Variants in ADCY9 observed in about 807,000 individuals in gnomAD.
ADCY9 encodes the protein adenylate cyclase 9.
In ADCY9, 50 loss-of-function variants were observed where a neutral mutation model predicts 101.5. The observed-to-expected ratio is 0.49, with a 90% CI of 0.39 to 0.62. ADCY9 has a LOEUF of 0.62. Ranked by LOEUF, ADCY9 falls within the 20% of genes least tolerant of loss-of-function variation. ADCY9 has a pLI of 0.00. For synonymous variants in ADCY9, 905 were observed against 769.3 expected (o/e 1.18, Z -2.92); for missense variants, 1,662 against 1,800.4 (o/e 0.92, Z 1.39).
chr16:4,046,821 C>T (rs1457707988), intron 2 of ADCY9, among the ~76,000 whole-genome samples: 3 of 151,770 alleles, frequency 2.0e-5, no homozygotes, highest in African/African-American at 4.9e-5. Context: ...AGTGAGACCC[C>T]GTCTCAACAA....
chr16:4,050,512 G>A (rs1174062347), intron 2 of ADCY9, among the ~76,000 whole-genome samples: 1 of 151,976 alleles, frequency 6.6e-6, no homozygotes, highest in East Asian at 1.9e-4. Context: ...TCAGGAGTTT[G>A]AGACCCAGCC....
chr16:4,044,963 C>A (rs1447971220), intron 2 of ADCY9, among the ~76,000 whole-genome samples: 2 of 152,148 alleles, frequency 1.3e-5, no homozygotes, highest in African/African-American at 4.8e-5. Flanking sequence ...CGAGATGAGG[C>A]TGTGCTGGCT....
intron 3 of ADCY9, among the ~76,000 whole-genome samples, chr16:3,999,097 G>A (rs879282416): frequency 6.6e-6 from 1 of 152,122 alleles, no homozygotes; most frequent in Non-Finnish European, 1.5e-5. Context: ...CACAGCTGCA[G>A]GCATCTCCAC....
chr16:4,041,916 TAA>T (rs1183169023), intron 2 of ADCY9, among the ~76,000 whole-genome samples: 3 of 115,688 alleles, frequency 2.6e-5, no homozygotes, highest in African/African-American at 6.5e-5. Context: ...TGCCCCCAGC[TAA>T]GTTTTTTTTT....
chr16:3,994,624 T>C (rs569630908), intron 3 of ADCY9, among the ~76,000 whole-genome samples: 2 of 152,120 alleles, frequency 1.3e-5, no homozygotes, highest in African/African-American at 2.4e-5. Flanking sequence ...CCCGGCTACT[T>C]GTTTTGTGTT....
At chr16:3,962,345 G>A (rs1032441846), downstream of ADCY9, among the ~76,000 whole-genome samples, 1 of 152,106 alleles carries the variant, frequency 6.6e-6, no homozygotes, top group Non-Finnish European at 1.5e-5. Flanking sequence ...TATTTAGGAG[G>A]CCTGACAGGG....
At chr16:3,958,798 G>A (rs1167219495), downstream of ADCY9, among the ~76,000 whole-genome samples, 1 of 147,236 alleles carries the variant, frequency 6.8e-6, no homozygotes, top group Non-Finnish European at 1.5e-5. Context: ...TAGCCTCCAA[G>A]TAGCTGAGAC....
chr16:4,035,451 T>C (rs2056582862), intron 2 of ADCY9, among the ~76,000 whole-genome samples: 2 of 152,180 alleles, frequency 1.3e-5, no homozygotes, highest in East Asian at 1.9e-4. Context: ...GTAATTGCCA[T>C]ACAGAGTGAT....
At chr16:4,017,643 CAAAAA>C (rs60693958) in intron 2 of ADCY9, among the ~76,000 whole-genome samples, 1 of 87,262 alleles carries the variant, frequency 1.1e-5, no homozygotes, top group Non-Finnish European at 2.5e-5. Flanking sequence ...AACTCCTTCT[CAAAAA>C]AAAAAAAAAA....
intron 2 of ADCY9, among the ~76,000 whole-genome samples, chr16:4,094,743 A>C (rs1193560677): frequency 6.6e-6 from 1 of 152,134 alleles, no homozygotes; most frequent in East Asian, 1.9e-4. Context: ...CACCTGGAAC[A>C]CCGCCTCACC....
intron 2 of ADCY9, chr16:4,015,718 G>C (rs967705371): frequency 6.6e-6 from 1 of 152,226 alleles, no homozygotes; most frequent in Non-Finnish European, 1.5e-5. Context: ...TATAATCCCA[G>C]GACTTTGAGA....
chr16:4,112,124 T>G (rs1191667884), intron 2 of ADCY9, among the ~76,000 whole-genome samples: 1 of 152,186 alleles, frequency 6.6e-6, no homozygotes, highest in African/African-American at 2.4e-5. Flanking sequence ...TCACAACACC[T>G]GGGCCCTAAA....
At chr16:4,082,842 T>C (rs777410995) in intron 2 of ADCY9, among the ~76,000 whole-genome samples, 1 of 152,350 alleles carries the variant, frequency 6.6e-6, no homozygotes, top group Middle Eastern at 3.4e-3. Context: ...CCCTCCCCTT[T>C]CCAGTAACTA....
intron 2 of ADCY9, among the ~76,000 whole-genome samples, chr16:4,087,823 C>T (rs913540838): frequency 1.1e-4 from 17 of 149,144 alleles, no homozygotes; most frequent in Non-Finnish European, 2.2e-4. Flanking sequence ...TTCTTTCTCT[C>T]TCTCTCTTCC....
At chr16:4,037,825 C>T (rs1229108736) in intron 2 of ADCY9, among the ~76,000 whole-genome samples, 1 of 152,150 alleles carries the variant, frequency 6.6e-6, no homozygotes, top group Non-Finnish European at 1.5e-5. Flanking sequence ...TAAGGAGGAG[C>T]ATCAGAAGGC....
chr16:4,108,476 C>A (rs1019807013), intron 2 of ADCY9, among the ~76,000 whole-genome samples: 1 of 138,548 alleles, frequency 7.2e-6, no homozygotes, highest in Non-Finnish European at 1.5e-5. Flanking sequence ...TGGGTTCGAA[C>A]GATTCTCCTG....
chr16:4,078,188 C>T (rs2056879903), intron 2 of ADCY9, among the ~76,000 whole-genome samples: 1 of 152,128 alleles, frequency 6.6e-6, no homozygotes, highest in South Asian at 2.1e-4. Context: ...TGTGAATGTT[C>T]ACAGCAACTC....
chr16:4,051,143 G>GCAGAGGTTTCAGTGAGCCATGATCACGC (rs1204605265), intron 2 of ADCY9, among the ~76,000 whole-genome samples: 2 of 151,950 alleles, frequency 1.3e-5, no homozygotes, highest in Non-Finnish European at 2.9e-5. Flanking sequence ...GACCCAGGAG[G>GCAGAGGTTTCAGTGAGCCATGATCACGC]CAGAGGTTTC....
At chr16:4,027,664 C>T (rs975341097) in intron 2 of ADCY9, among the ~76,000 whole-genome samples, 3 of 152,086 alleles carry the variant, frequency 2.0e-5, no homozygotes, top group Admixed American at 2.0e-4. Flanking sequence ...ATCACCTGAG[C>T]TCAAGAGTTC....
Sources: allele counts gnomAD v4.1 joint callset (sites outside exome capture counted in the v4.1 genomes callset), GRCh38; gene constraint gnomAD v4.1.1; transcripts MANE v1.5; gene names NCBI Gene and HGNC (gene_info 2026-07-23, HGNC 2026-07-21).